The following VWA2 variants were observed in gnomAD, a reference collection of about 807,000 sequenced individuals.
VWA2 encodes the protein von Willebrand factor A domain containing 2.
In VWA2, 73 loss-of-function variants were observed where a neutral mutation model predicts 70.4. The observed-to-expected ratio is 1.04, with a 90% CI of 0.86 to 1.26. The LOEUF (loss-of-function observed/expected upper bound fraction) is 1.26. VWA2 is among the 50% of genes most tolerant of loss of function. The probability of loss-of-function intolerance (pLI) is 0.00; values close to 1 mark genes in which losing one functional copy is unlikely to be tolerated. For missense variants in VWA2, 1,011 were observed against 998.5 expected (o/e 1.01, Z -0.17); for synonymous variants, 407 against 423.3 (o/e 0.96, Z 0.47).
At chr10:114,253,763 T>C (rs1192601972) in intron 3 of VWA2, 38 bp downstream of exon 3, 5 of 1,566,302 alleles carry the variant, frequency 3.2e-6, no homozygotes, top group Non-Finnish European at 4.4e-6. Context: ...AGATGCCCAC[T>C]CAGACCTCTG....
At chr10:114,259,938 C>T (rs1029358653) in intron 4 of VWA2, among the ~76,000 whole-genome samples, 7 of 152,172 alleles carry the variant, frequency 4.6e-5, no homozygotes, top group Non-Finnish European at 7.4e-5. Flanking sequence ...CCAGCTGATC[C>T]GGAGCAGATG....
Position 114,290,366 on chromosome 10 carries a change from G to T in VWA2, c.2248+1G>T. ...TGGGAGGGCCCCCACTGCGAGAACC[G>T]TGAGTGGAGCTCTTGCTCTGTATGT... is the stretch of plus-strand genomic sequence containing the variant. On this transcript the variant is annotated splice_donor_variant, in intron 13 of 13. Transcript: ENST00000392982. LOFTEE classifies it high-confidence loss of function. 1.3e-6 allele frequency: 2 copies of T among 1,550,458 alleles called. No individual in the cohort carries two copies. The highest frequency in any genetic ancestry group is 1.7e-6 in the Non-Finnish European group (2 of 1,146,912).
At chr10:114,263,602 G>A (rs2037494751) in intron 5 of VWA2, among the ~76,000 whole-genome samples, 1 of 152,046 alleles carries the variant, frequency 6.6e-6, no homozygotes, top group East Asian at 1.9e-4. Context: ...TTCCCAGAGT[G>A]CTGGGATTAC....
At chr10:114,282,968 G>T (rs1312393628) in intron 9 of VWA2, among the ~76,000 whole-genome samples, 3 of 152,192 alleles carry the variant, frequency 2.0e-5, no homozygotes, top group African/African-American at 7.2e-5. Context: ...TGTGAAAGGG[G>T]GTCATCGTAT....
chr10:114,281,092 A>G (rs2038076000), intron 8 of VWA2: 1 of 152,124 alleles, frequency 6.6e-6, no homozygotes, highest in Non-Finnish European at 1.5e-5. Context: ...CGTGTACTCC[A>G]TTTTACCCCA....
chr10:114,286,540 G>A (rs538526761), intron 11 of VWA2, 29 bp downstream of exon 11: 12 of 1,509,178 alleles, frequency 8.0e-6, no homozygotes, highest in South Asian at 6.5e-5. Context: ...ACCCAGGACC[G>A]CTGGTCAGTG....
intron 5 of VWA2, among the ~76,000 whole-genome samples, chr10:114,261,645 T>G (rs1220891431): frequency 2.0e-5 from 3 of 152,242 alleles, no homozygotes; most frequent in African/African-American, 7.2e-5. Flanking sequence ...TTGTGACCAC[T>G]GCAGCTTGGA....
intron 4 of VWA2, among the ~76,000 whole-genome samples, chr10:114,260,573 C>A (rs2037424403): frequency 6.6e-6 from 1 of 152,174 alleles, no homozygotes; most frequent in African/African-American, 2.4e-5. Context: ...GCTTCTGCGG[C>A]AGCCCCAGTT....
chr10:114,282,548 C>T lies in VWA2; in HGVS notation c.866C>T (p.Thr289Ile). The T allele has an allele frequency of 6.2e-7, 1 of 1,614,140 alleles. No individual in the cohort carries two copies. ...AGAGTGTTCCTAACCCACCCTGCCA[C>T]CTGCTACAGGACCACCTGCCCAGGT... ...WKRVFLTHPA[T>I]CYRTTCPGPC... is the part of the protein sequence containing the mutation. The change falls in exon 9 of 14, where the codon ACC (threonine) becomes ATC (isoleucine). Residue 289 changes from threonine (T) to isoleucine (I), a missense_variant. Physicochemically the swap from Thr to Ile is moderately conservative, Grantham distance 89 (BLOSUM62 -1). Coordinates refer to ENST00000392982, the MANE Select transcript of VWA2 (RefSeq NM_001272046.2).
At chr10:114,289,992 CAAA>C (rs35165936) in intron 12 of VWA2, 8,182 of 211,456 alleles carry the variant, frequency 0.039, 3 homozygotes, top group South Asian at 0.069. Context: ...GATTCTGCCT[CAAA>C]AAAAAAAAAA....
chr10:114,280,366 A>G (rs1255716182), intron 8 of VWA2, among the ~76,000 whole-genome samples: 1 of 152,196 alleles, frequency 6.6e-6, no homozygotes, highest in African/African-American at 2.4e-5. Context: ...AAATGAATAC[A>G]GAAAATAAAC....
At chr10:114,262,826 G>GT (rs1405450509) in intron 5 of VWA2, among the ~76,000 whole-genome samples, 1 of 152,202 alleles carries the variant, frequency 6.6e-6, no homozygotes, top group African/African-American at 2.4e-5. Flanking sequence ...ATTAATATGT[G>GT]TTTATAAAAT....
At chr10:114,275,650 G>A (rs1239028532) in intron 6 of VWA2, among the ~76,000 whole-genome samples, 3 of 152,120 alleles carry the variant, frequency 2.0e-5, no homozygotes, top group Admixed American at 6.5e-5. Flanking sequence ...AAATGAGGCC[G>A]GGCATGGTGG....
At chr10:114,253,556 T>C in intron 2 of VWA2, 95 bp from the exon 3 acceptor site, 5 of 1,062,290 alleles carry the variant, frequency 4.7e-6, no homozygotes, top group Non-Finnish European at 5.6e-6. Flanking sequence ...TAGGTTTCTC[T>C]GATGTTACCT....
At chr10:114,276,751 T>C (rs181473326) in intron 6 of VWA2, among the ~76,000 whole-genome samples, 22 of 148,724 alleles carry the variant, frequency 1.5e-4, no homozygotes, top group African/African-American at 5.5e-4. Flanking sequence ...ACTCCTAAGC[T>C]TGAGGGATTC....
chr10:114,269,622 C>G (rs978142905), intron 5 of VWA2, among the ~76,000 whole-genome samples: 3 of 152,102 alleles, frequency 2.0e-5, no homozygotes, highest in Non-Finnish European at 2.9e-5. Context: ...CCCAAGCCTT[C>G]CCCTGAAGGT....
intron 5 of VWA2, among the ~76,000 whole-genome samples, chr10:114,270,755 A>G (rs556415833): frequency 6.6e-6 from 1 of 152,270 alleles, no homozygotes; most frequent in African/African-American, 2.4e-5. Context: ...AGGGTGTGAG[A>G]GGAGTTGGGG....
chr10:114,244,392 G>A (rs767120043), intron 1 of VWA2, among the ~76,000 whole-genome samples: 4 of 152,188 alleles, frequency 2.6e-5, no homozygotes, highest in Non-Finnish European at 4.4e-5. Context: ...GGAAGGTGAC[G>A]CTAGGAGGCC....
At chr10:114,257,209 C>G (rs1333594435) in intron 4 of VWA2, among the ~76,000 whole-genome samples, 1 of 152,072 alleles carries the variant, frequency 6.6e-6, no homozygotes, top group African/African-American at 2.4e-5. Flanking sequence ...ACAAGCAGCC[C>G]AGAAGATTTC....
Sources: allele counts gnomAD v4.1 joint callset (sites outside exome capture counted in the v4.1 genomes callset), GRCh38; gene constraint gnomAD v4.1.1; transcripts MANE v1.5; gene names NCBI Gene and HGNC (gene_info 2026-07-23, HGNC 2026-07-21).